The following CACNA2D1 variants were observed in gnomAD, a reference collection of about 807,000 sequenced individuals.
The protein encoded by CACNA2D1 is calcium voltage-gated channel auxiliary subunit alpha2delta 1, also known as voltage-dependent calcium channel subunit alpha-2/delta-1.
Under a neutral mutation model 171.5 loss-of-function variants are expected in CACNA2D1, and 53 were observed. The ratio of observed to expected loss-of-function variants is 0.31; its 90% confidence interval spans 0.25 to 0.39. The LOEUF (loss-of-function observed/expected upper bound fraction) is 0.39. Among genes scored for constraint, CACNA2D1 ranks in the 10% least tolerant of loss-of-function variants. The pLI, the probability that CACNA2D1 is intolerant of heterozygous loss-of-function variation, is 1.00. For missense variants in CACNA2D1, 903 were observed against 1,299.8 expected (o/e 0.69, Z 4.69); for synonymous variants, 442 against 443.1 (o/e 1.00, Z 0.03).
intron 18 of CACNA2D1, among the ~76,000 whole-genome samples, chr7:82,004,760 G>T (rs2130862299): frequency 6.6e-6 from 1 of 152,238 alleles, no homozygotes; most frequent in African/African-American, 2.4e-5. Flanking sequence ...AATGCCCTGT[G>T]AAACAGTTCA....
At chr7:82,378,314 A>C (rs1404726092) in intron 1 of CACNA2D1, among the ~76,000 whole-genome samples, 4 of 152,176 alleles carry the variant, frequency 2.6e-5, no homozygotes, top group African/African-American at 9.7e-5. Context: ...CAGGAGGATC[A>C]TTGGAGCCCA....
chr7:82,240,744 G>A (rs895566589), intron 3 of CACNA2D1, among the ~76,000 whole-genome samples: 8 of 151,940 alleles, frequency 5.3e-5, no homozygotes, highest in Admixed American at 1.3e-4. Flanking sequence ...CGAGGCGGGC[G>A]GATCACAAGG....
Position 81,965,747 on chromosome 7 carries a change from TA to T in CACNA2D1, c.2503-83del, listed in dbSNP as rs1160796284. On this transcript the variant is annotated intron_variant, in intron 31 of 38. Transcript: ENST00000356860. ...GTCTTTACCCCATTATATACATGAT[TA>T]GAGCAATAAAAATAGAAAATTTTAA... is the stretch of plus-strand genomic sequence containing the variant. The T allele has an allele frequency of 4.9e-6, 4 of 818,462 alleles. No individual in the cohort carries two copies. The African/African-American group carries it at 5.1e-5, about 10-fold the overall frequency. 50.7% of individuals were successfully genotyped at this position (818,462 alleles called of 1,614,324 possible). A position where few individuals can be genotyped will look rare whatever the true frequency, so the allele number is the denominator to read the frequency against.
At chr7:82,265,242 C>A (rs1188479220) in intron 3 of CACNA2D1, among the ~76,000 whole-genome samples, 1 of 152,168 alleles carries the variant, frequency 6.6e-6, no homozygotes, top group Non-Finnish European at 1.5e-5. Context: ...CACAGTTGAG[C>A]ATCTGCTCAT....
chr7:82,370,392 G>C (rs1271972731), intron 1 of CACNA2D1, among the ~76,000 whole-genome samples: 4 of 151,872 alleles, frequency 2.6e-5, no homozygotes, highest in Admixed American at 1.3e-4. Flanking sequence ...CAGAGAACTA[G>C]AAATTATCAG....
chr7:82,190,909 G>C (rs189879449), intron 3 of CACNA2D1, among the ~76,000 whole-genome samples: 1 of 151,598 alleles, frequency 6.6e-6, no homozygotes, highest in Non-Finnish European at 1.5e-5. Context: ...AAAAGGGAGA[G>C]AATGCCATTG....
At chr7:82,421,794 G>C (rs1331767655) in intron 1 of CACNA2D1, among the ~76,000 whole-genome samples, 1 of 152,106 alleles carries the variant, frequency 6.6e-6, no homozygotes, top group Non-Finnish European at 1.5e-5. Context: ...AGGATGGTCA[G>C]GGAAGATAAA....
intron 5 of CACNA2D1, among the ~76,000 whole-genome samples, chr7:82,122,912 C>T (rs1789911926): frequency 6.6e-6 from 1 of 152,154 alleles, no homozygotes. Context: ...AAACAACCTA[C>T]CACCTTGAAA....
chr7:82,288,276 T>C (rs1811085655), intron 3 of CACNA2D1, among the ~76,000 whole-genome samples: 1 of 152,250 alleles, frequency 6.6e-6, no homozygotes, highest in East Asian at 1.9e-4. Context: ...TGTGACTCCC[T>C]TTTATCCTAC....
chr7:82,154,827 T>TC (rs972562824), intron 4 of CACNA2D1, among the ~76,000 whole-genome samples: 2 of 152,150 alleles, frequency 1.3e-5, no homozygotes, highest in African/African-American at 4.8e-5. Context: ...GTGGTATCTA[T>TC]CCATTTATTG....
intron 12 of CACNA2D1, among the ~76,000 whole-genome samples, chr7:82,021,516 T>G (rs1342920641): frequency 1.3e-5 from 2 of 152,084 alleles, no homozygotes; most frequent in African/African-American, 2.4e-5. Flanking sequence ...GAATTTTGTA[T>G]AGATTAGGAG....
intron 3 of CACNA2D1, among the ~76,000 whole-genome samples, chr7:82,224,034 C>T (rs1013237292): frequency 6.6e-6 from 1 of 152,108 alleles, no homozygotes; most frequent in African/African-American, 2.4e-5. Context: ...AACGTGCTTC[C>T]CTTCACTTTC....
At chr7:81,984,066 A>G (rs1319839801) in intron 22 of CACNA2D1, among the ~76,000 whole-genome samples, 1 of 152,222 alleles carries the variant, frequency 6.6e-6, no homozygotes, top group Non-Finnish European at 1.5e-5. Flanking sequence ...AGGCTTAAAA[A>G]AATTAATCCA....
intron 3 of CACNA2D1, among the ~76,000 whole-genome samples, chr7:82,263,101 A>AC (rs1807343083): frequency 1.3e-5 from 1 of 79,050 alleles, no homozygotes; most frequent in Non-Finnish European, 2.5e-5. Context: ...ACATAACACC[A>AC]CTTTTTTTTT....
intron 4 of CACNA2D1, among the ~76,000 whole-genome samples, chr7:82,158,034 T>C (rs7778504): frequency 0.4 from 60,431 of 151,508 alleles, 12,293 homozygotes; most frequent in Middle Eastern, 0.53. Context: ...TATATACACA[T>C]ACAAATGTTT....
chr7:82,109,107 A>G (rs1397746418), intron 6 of CACNA2D1, among the ~76,000 whole-genome samples: 3 of 152,316 alleles, frequency 2.0e-5, no homozygotes, highest in East Asian at 3.9e-4. Context: ...TACTCTGCTA[A>G]TATCAGAACC....
At chr7:82,188,763 A>G (rs1798010062) in intron 3 of CACNA2D1, among the ~76,000 whole-genome samples, 1 of 152,150 alleles carries the variant, frequency 6.6e-6, no homozygotes, top group African/African-American at 2.4e-5. Flanking sequence ...ACATGGAATC[A>G]ACTTAGATGT....
chr7:81,981,924 T>A (rs1268573406), intron 24 of CACNA2D1, among the ~76,000 whole-genome samples: 1 of 152,172 alleles, frequency 6.6e-6, no homozygotes, highest in Non-Finnish European at 1.5e-5. Context: ...AATCCATTAT[T>A]ATGTTCATTC....
At chr7:82,435,376 A>G (rs1465718565) in intron 1 of CACNA2D1, among the ~76,000 whole-genome samples, 2 of 152,132 alleles carry the variant, frequency 1.3e-5, no homozygotes, top group African/African-American at 2.4e-5. Context: ...CATCTAAAAG[A>G]CACTGCAAAC....
Sources: gnomAD v4.1 joint callset for allele counts (sites outside exome capture counted in the v4.1 genomes callset) on GRCh38, gnomAD v4.1.1 for gene constraint, MANE v1.5 for transcripts, NCBI Gene and HGNC (gene_info 2026-07-23, HGNC 2026-07-21) for gene names.